Variants in ERAP1 observed in about 807,000 individuals in gnomAD.
The protein encoded by ERAP1 is endoplasmic reticulum aminopeptidase 1, also known as adipocyte-derived leucine aminopeptidase.
ERAP1 carries 86 observed loss-of-function variants against 103.7 expected under a neutral mutation model. The observed-to-expected ratio is 0.83, with a 90% confidence interval of 0.70 to 0.99. The LOEUF (loss-of-function observed/expected upper bound fraction) is 0.99. ERAP1 is among the 50% of genes least tolerant of loss of function. The pLI is 0.00. For missense variants in ERAP1, 1,009 were observed against 1,128.4 expected, an observed-to-expected ratio of 0.89 and a Z score of 1.52; for synonymous variants, 398 against 402.4, an observed-to-expected ratio of 0.99 and a Z score of 0.13.
chr5:96,887,549 C>T, the ERAP1 span, among the ~76,000 whole-genome samples: 5 of 152,112 alleles, frequency 3.3e-5, no homozygotes, highest in African/African-American at 7.2e-5. Context: ...ATCCTCCTGC[C>T]TTGGCCTCCC....
chr5:96,935,394 G>C, the ERAP1 span: 1 of 152,298 alleles, frequency 6.6e-6, no homozygotes. Flanking sequence ...GAGGCACTCT[G>C]ATGCGGGCGG....
the ERAP1 span, chr5:96,903,482 CA>C: frequency 3.7e-6 from 6 of 1,614,058 alleles, no homozygotes; most frequent in Middle Eastern, 5.0e-4. Flanking sequence ...CAACTCATTA[CA>C]CAGCTGAATC....
the ERAP1 span, chr5:96,912,738 C>T: frequency 6.2e-7 from 1 of 1,601,150 alleles, no homozygotes; most frequent in South Asian, 1.1e-5. Flanking sequence ...ATGTCAAGTG[C>T]TGAACAAAAC....
chr5:96,901,507 T>C, the ERAP1 span: 12 of 1,613,090 alleles, frequency 7.4e-6, no homozygotes, highest in Non-Finnish European at 1.0e-5. Flanking sequence ...TCATTTCAGC[T>C]CGCCTTTCTG....
At chr5:96,854,041 T>G in the ERAP1 span, among the ~76,000 whole-genome samples, 2 of 152,186 alleles carry the variant, frequency 1.3e-5, no homozygotes. Flanking sequence ...TGCAGCCATT[T>G]CTGACTTTGT....
chr5:96,784,571 G>C (rs1237031339), intron 13 of ERAP1, among the ~76,000 whole-genome samples: 1 of 149,910 alleles, frequency 6.7e-6, no homozygotes, highest in Non-Finnish European at 1.5e-5. Context: ...GTTTACACTA[G>C]GGAGGAAGTT....
At chr5:96,893,934 A>G in the ERAP1 span, among the ~76,000 whole-genome samples, 1 of 151,978 alleles carries the variant, frequency 6.6e-6, no homozygotes, top group Non-Finnish European at 1.5e-5. Context: ...TGCTCCTACT[A>G]CCTGATATTC....
chr5:96,795,238 T>C, intron 4 of ERAP1, 76 bp from the exon 5 acceptor site: 1 of 1,580,680 alleles, frequency 6.3e-7, no homozygotes, highest in Non-Finnish European at 8.6e-7. Flanking sequence ...AAGACTGACA[T>C]TAATGTCTTC....
At chr5:96,804,174 T>C (rs1270003330) in intron 1 of ERAP1, among the ~76,000 whole-genome samples, 1 of 152,174 alleles carries the variant, frequency 6.6e-6, no homozygotes, top group Non-Finnish European at 1.5e-5. Context: ...TCATTTGATG[T>C]TCAAAGTTTA....
chr5:96,761,396 A>C (rs906644057), exon 20 of ERAP1: 1 of 152,232 alleles, frequency 6.6e-6, no homozygotes, highest in Non-Finnish European at 1.5e-5. Flanking sequence ...AAACGGCTTT[A>C]CAGGGTATAA....
Position 96,776,030 on chromosome 5 carries a change from A to AGAG in ERAP1, c.*363_*365dup, listed in dbSNP as rs1461802480. On this transcript the variant is annotated 3_prime_UTR_variant, in exon 19 of 19. Coordinates refer to ENST00000443439, the MANE Select transcript of ERAP1 (RefSeq NM_001040458.3). ...TTCATTGTTCAGTAGTCGACTATTCAGAGTCTTTCGAGGAGACTGATGAAA... is the reference window on the plus strand; with the variant it reads ...TTCATTGTTCAGTAGTCGACTATTCAGAGGAGTCTTTCGAGGAGACTGATGAAA... The AGAG allele has an allele frequency of 2.6e-6, 3 of 1,159,128 alleles. No individual in the cohort carries two copies. Among genetic ancestry groups the AGAG allele is most frequent in the Non-Finnish European group, 3.2e-6 (3 of 925,516 alleles). The allele number at this position is 1,159,128 out of a possible 1,614,324, so 71.8% of individuals were successfully genotyped here. A position where few individuals can be genotyped will look rare whatever the true frequency, so the allele number is the denominator to read the frequency against.
At chr5:96,896,576 A>G in the ERAP1 span, 2 of 1,543,048 alleles carry the variant, frequency 1.3e-6, no homozygotes, top group South Asian at 1.2e-5. Context: ...TCAGCAGTTT[A>G]AGTCACTGGT....
chr5:96,900,199 A>C, the ERAP1 span: 1 of 1,613,524 alleles, frequency 6.2e-7, no homozygotes, highest in Non-Finnish European at 8.5e-7. Context: ...GGTAAGGATA[A>C]AGAGAGTCAC....
chr5:96,884,019 G>T, the ERAP1 span: 1 of 1,270,630 alleles, frequency 7.9e-7, no homozygotes, highest in Non-Finnish European at 1.1e-6. Flanking sequence ...CAGGATTTCA[G>T]CCATTAATTT....
chr5:96,813,227 A>G, the ERAP1 span, among the ~76,000 whole-genome samples: 1 of 152,204 alleles, frequency 6.6e-6, no homozygotes, highest in African/African-American at 2.4e-5. Flanking sequence ...GCCCTTTGAG[A>G]CAAAGAAATA....
chr5:96,775,553 A>G lies in ERAP1; in HGVS notation c.*843T>C, dbSNP rs1375917017. 1 of 965,066 alleles carries G rather than the reference A, an allele frequency of 1.0e-6. No homozygotes were observed. The highest frequency in any genetic ancestry group is 6.1e-5 in the Admixed American group (1 of 16,262). The allele number at this position is 965,066 out of a possible 1,614,324, so 59.8% of individuals were successfully genotyped here. On this transcript the variant is annotated 3_prime_UTR_variant, in exon 19 of 19. Transcript: ENST00000443439. ...GATGACACTCACTCAGAATTATCTG[A>G]GGAGGGTTCTATAAAAAGATTTTTT... is the stretch of plus-strand genomic sequence containing the variant.
At position 96,783,043 on chromosome 5, in the gene ERAP1, G is replaced by A; in HGVS notation, c.2285+8C>T. ...CATCAACAAATTGGTTATTTAGTAA[G>A]GACTGACCTCAAGTTTCCATTGGAT... On this transcript the variant is annotated splice_region_variant and intron_variant, in intron 15 of 18. Coordinates refer to ENST00000443439, the MANE Select transcript of ERAP1 (RefSeq NM_001040458.3). The A allele has an allele frequency of 6.8e-6, 11 of 1,613,996 alleles. No individual in the cohort carries two copies. Among genetic ancestry groups the A allele is most frequent in the Non-Finnish European group, 9.3e-6 (11 of 1,179,864 alleles).
chr5:96,900,069 C>A, the ERAP1 span: 8 of 1,607,088 alleles, frequency 5.0e-6, no homozygotes, highest in South Asian at 3.3e-5. Flanking sequence ...TGTGCACGTT[C>A]AGCCAACTAA....
chr5:96,872,838 TA>T, the ERAP1 span, among the ~76,000 whole-genome samples: 1 of 152,176 alleles, frequency 6.6e-6, no homozygotes, highest in African/African-American at 2.4e-5. Flanking sequence ...ATGAAGTCAT[TA>T]AGATTTAAAT....
Sources: gnomAD v4.1 joint callset for allele counts (sites outside exome capture counted in the v4.1 genomes callset) on GRCh38, gnomAD v4.1.1 for gene constraint, MANE v1.5 for transcripts, NCBI Gene and HGNC (gene_info 2026-07-23, HGNC 2026-07-21) for gene names.